IGF1R: variants seen among roughly 807,000 people sequenced by gnomAD.
IGF1R encodes insulin-like growth factor 1 receptor.
IGF1R carries 44 observed loss-of-function variants against 144.6 expected under a neutral mutation model. The observed-to-expected ratio is 0.30, with a 90% confidence interval of 0.24 to 0.39. The LOEUF (loss-of-function observed/expected upper bound fraction) is 0.39, where lower values mean the gene tolerates loss of function less well. Ranked by LOEUF, IGF1R falls within the 10% of genes least tolerant of loss-of-function variation. The pLI, the probability that IGF1R is intolerant of heterozygous loss-of-function variation, is 1.00. For missense variants in IGF1R, 1,355 were observed against 1,833.7 expected (o/e 0.74, Z 4.77); for synonymous variants, 795 against 722.8 (o/e 1.10, Z -1.60).
chr15:98,772,638 A>G (rs2055616789), intron 2 of IGF1R, among the ~76,000 whole-genome samples: 1 of 151,518 alleles, frequency 6.6e-6, no homozygotes, highest in African/African-American at 2.4e-5. Flanking sequence ...CTAGAACTGT[A>G]TATGTACACC....
intron 2 of IGF1R, among the ~76,000 whole-genome samples, chr15:98,791,977 G>C (rs1354422106): frequency 6.6e-6 from 1 of 152,208 alleles, no homozygotes; most frequent in Non-Finnish European, 1.5e-5. Context: ...ACCTGGCAGG[G>C]TTTGAGGATC....
At chr15:98,695,211 A>G (rs1007657134) in intron 1 of IGF1R, among the ~76,000 whole-genome samples, 2 of 152,204 alleles carry the variant, frequency 1.3e-5, no homozygotes, top group Non-Finnish European at 2.9e-5. Flanking sequence ...AGTCAGTTTC[A>G]TTCCTTTACA....
chr15:98,747,016 G>C (rs1177552387), intron 2 of IGF1R, among the ~76,000 whole-genome samples: 1 of 152,186 alleles, frequency 6.6e-6, no homozygotes, highest in Non-Finnish European at 1.5e-5. Flanking sequence ...GTGGATCGCT[G>C]TGATTAATTG....
chr15:98,953,525 G>A (rs1258093375), intron 20 of IGF1R, among the ~76,000 whole-genome samples: 2 of 152,184 alleles, frequency 1.3e-5, no homozygotes, highest in Non-Finnish European at 2.9e-5. Context: ...TGAGCCAGGA[G>A]TGGCCCTGGC....
At chr15:98,716,168 C>A (rs2054110393) in intron 2 of IGF1R, among the ~76,000 whole-genome samples, 1 of 152,166 alleles carries the variant, frequency 6.6e-6, no homozygotes, top group African/African-American at 2.4e-5. Flanking sequence ...CATTTCCTTT[C>A]TTTGAACTCG....
At chr15:98,917,102 G>A in intron 10 of IGF1R, 1 of 618,976 alleles carries the variant, frequency 1.6e-6, no homozygotes, top group Non-Finnish European at 2.9e-6. Context: ...GGGGCCACCG[G>A]TGTGACAGGT....
chr15:98,866,885 G>A (rs1255316010), intron 2 of IGF1R, among the ~76,000 whole-genome samples: 1 of 152,188 alleles, frequency 6.6e-6, no homozygotes, highest in African/African-American at 2.4e-5. Context: ...CGGGTACGTG[G>A]AGGAAGTGTT....
At chr15:98,956,857 G>T (rs1425737851) in intron 20 of IGF1R, among the ~76,000 whole-genome samples, 1 of 152,200 alleles carries the variant, frequency 6.6e-6, no homozygotes, top group Non-Finnish European at 1.5e-5. Context: ...GGAAGAGAAT[G>T]GAACCGTACG....
intron 2 of IGF1R, among the ~76,000 whole-genome samples, chr15:98,723,384 G>A (rs2054287388): frequency 1.3e-5 from 2 of 152,202 alleles, no homozygotes; most frequent in Non-Finnish European, 2.9e-5. Flanking sequence ...TCTATGTTAA[G>A]TATGCAGACA....
In IGF1R at chr15:98,791,822, C is replaced by T. The variant is rs549738636; in HGVS notation, c.640+83715C>T. ...TACAAATGGAAGGTAGCATGTTTAA[C>T]GTTCCTGTTATTTCACATAAATACA... On this transcript the variant is annotated intron_variant, in intron 2 of 20. Transcript: ENST00000650285. Among the ~76,000 whole-genome samples the T allele has an allele frequency of 1.1e-4, 16 of 152,286 alleles. No homozygotes were observed. In the East Asian group the frequency reaches 2.5e-3, roughly 24 times the overall value.
At chr15:98,683,555 T>G in intron 1 of IGF1R, among the ~76,000 whole-genome samples, 1 of 152,220 alleles carries the variant, frequency 6.6e-6, no homozygotes, top group Non-Finnish European at 1.5e-5. Flanking sequence ...CTCAGCTTAG[T>G]GTAATACACA....
intron 1 of IGF1R, chr15:98,660,216 C>T (rs4966008): frequency 0.3 from 45,065 of 152,152 alleles, 8,365 homozygotes; most frequent in Non-Finnish European, 0.4. Flanking sequence ...ATTCGTGTCT[C>T]TTTGTCTTGG....
At chr15:98,855,283 C>T (rs2011743482) in intron 2 of IGF1R, among the ~76,000 whole-genome samples, 1 of 152,230 alleles carries the variant, frequency 6.6e-6, no homozygotes, top group Non-Finnish European at 1.5e-5. Context: ...TCAGCGCTCT[C>T]AGCCAGCGTG....
At chr15:98,888,991 G>T (rs2013778475) in intron 2 of IGF1R, among the ~76,000 whole-genome samples, 1 of 152,156 alleles carries the variant, frequency 6.6e-6, no homozygotes, top group Non-Finnish European at 1.5e-5. Flanking sequence ...GAGGAGGATG[G>T]CCATGCCCTC....
chr15:98,649,818 C>G (rs1364216095), intron 1 of IGF1R, 143 bp downstream of exon 1: 67 of 616,450 alleles, frequency 1.1e-4, no homozygotes, highest in Non-Finnish European at 8.4e-6. Flanking sequence ...CAGGGCGGCT[C>G]TGCCGGGAGG....
intron 2 of IGF1R, among the ~76,000 whole-genome samples, chr15:98,888,406 C>G (rs1042963773): frequency 1.3e-5 from 2 of 148,906 alleles, no homozygotes; most frequent in Non-Finnish European, 1.5e-5. Flanking sequence ...TATTAACTGT[C>G]TTCAAGTGGG....
At chr15:98,679,369 GC>G (rs2053130352) in intron 1 of IGF1R, among the ~76,000 whole-genome samples, 2 of 152,158 alleles carry the variant, frequency 1.3e-5, no homozygotes, top group Admixed American at 6.5e-5. Context: ...GATTAGATCT[GC>G]CAGAGCTGTG....
chr15:98,904,670 T>G (rs1257529807), intron 5 of IGF1R, among the ~76,000 whole-genome samples: 2 of 152,210 alleles, frequency 1.3e-5, no homozygotes, highest in African/African-American at 4.8e-5. Context: ...TGATGCCCCC[T>G]AGAGACAGCC....
At chr15:98,723,723 G>A (rs988861943) in intron 2 of IGF1R, among the ~76,000 whole-genome samples, 5 of 152,168 alleles carry the variant, frequency 3.3e-5, no homozygotes, top group Admixed American at 2.6e-4. Context: ...TAACATCCCC[G>A]GGCCTGGAAG....
Sources: gnomAD v4.1 joint callset for allele counts (sites outside exome capture counted in the v4.1 genomes callset) on GRCh38, gnomAD v4.1.1 for gene constraint, MANE v1.5 for transcripts, NCBI Gene and HGNC (gene_info 2026-07-23, HGNC 2026-07-21) for gene names.